FEZF1: variants seen among roughly 807,000 people sequenced by gnomAD.
FEZF1 encodes the protein FEZ family zinc finger 1, also known as fez family zinc finger protein 1.
A neutral mutation model predicts 32.4 loss-of-function variants in FEZF1; 8 were observed. The observed-to-expected ratio is 0.25, with a 90% CI of 0.15 to 0.45. The LOEUF (loss-of-function observed/expected upper bound fraction) is 0.45. FEZF1 is among the 20% of genes least tolerant of loss of function. The pLI, the probability that FEZF1 is intolerant of heterozygous loss-of-function variation, is 1.00. For missense variants in FEZF1, 546 were observed against 622.3 expected (o/e 0.88, Z 1.31); for synonymous variants, 259 against 265.2 (o/e 0.98, Z 0.23).
intron 1 of FEZF1, chr7:122,309,805 G>C (rs2031376010): frequency 6.6e-6 from 1 of 152,134 alleles, no homozygotes; most frequent in South Asian, 2.1e-4. Context: ...ATGCTCTATT[G>C]CTCTACACTG....
rs772221066 is a variant in FEZF1 at position 122,303,972 on chromosome 7, C to A, written c.466G>T (p.Ala156Ser). 2 of 1,589,954 alleles carry A rather than the reference C, an allele frequency of 1.3e-6. No individual in the cohort carries two copies. Among genetic ancestry groups the A allele is most frequent in the Admixed American group, 1.8e-5 (1 of 55,592 alleles). The change falls in exon 1 of 4, where the codon GCC (alanine) becomes TCC (serine). Residue 156 changes from alanine to serine, a missense_variant. Transcript: ENST00000442488. ...PRVVNHSSFHAMGALCYLNRG... is the reference protein window; with the variant it reads ...PRVVNHSSFHSMGALCYLNRG... ...TTCAGGTAGCACAAGGCGCCCATGG[C>A]GTGGAATGAAGAGTGGTTGACCACA...
upstream of FEZF1, among the ~76,000 whole-genome samples, chr7:122,309,328 G>A (rs1304743902): frequency 6.6e-6 from 1 of 152,234 alleles, no homozygotes; most frequent in African/African-American, 2.4e-5. Flanking sequence ...TTTGGGGGAA[G>A]AAGTGTGAGG....
chr7:122,302,888 C>T lies in FEZF1; in HGVS notation c.980G>A (p.Arg327Lys). ...KCNQCGKAFN[R>K]SSTLNTHTRI... is the part of the protein sequence containing the mutation. Reference sequence around the variant, plus strand: ...GGTATGAGTGTTTAAAGTGGAACTTCTATTAAATGCTTTGCCACACTGGTT... The same window carrying T: ...GGTATGAGTGTTTAAAGTGGAACTTTTATTAAATGCTTTGCCACACTGGTT... Residue 327 changes from arginine to lysine, a missense_variant, in exon 3 of 4, where the codon AGA becomes AAA. This residue lies in a region of FEZF1 where 118 missense variants were observed against 188.7 expected (regional missense o/e 0.63). Transcript: ENST00000442488. The surrounding 1 kb of genome is among the most constrained non-coding windows in gnomAD (Gnocchi z 4.4). The T allele has an allele frequency of 6.2e-7, 1 of 1,613,674 alleles. No individual in the cohort carries two copies. The highest frequency in any genetic ancestry group is 8.5e-7 in the Non-Finnish European group (1 of 1,179,794).
At position 122,302,076 on chromosome 7, in the gene FEZF1, G is replaced by A. The variant is rs766021955; in HGVS notation, c.1349C>T (p.Pro450Leu). Residue 450 changes from proline (P) to leucine (L), a missense_variant, in exon 4 of 4, where the codon CCG becomes CTG. Coordinates refer to ENST00000442488, the MANE Select transcript of FEZF1 (RefSeq NM_001024613.4). The surrounding 1 kb of genome is among the most constrained non-coding windows in gnomAD (Gnocchi z 4.4). ...EPPPPLPQQP[P>L]MTLPPLQPPL... ...CGGCTGCAGAGGAGGCAGCGTCATC[G>A]GCGGCTGCTGCGGTAGCGGGGGCGG... 41 of 1,607,882 alleles carry A rather than the reference G, an allele frequency of 2.5e-5. No individual in the cohort carries two copies. In the Admixed American group the frequency reaches 4.3e-4, roughly 17 times the overall value.
intron 1 of FEZF1, 65 bp downstream of exon 1, chr7:122,303,571 AG>A: frequency 1.2e-6 from 1 of 862,638 alleles, no homozygotes; most frequent in Non-Finnish European, 1.7e-6. Context: ...GGAGGGAGGG[AG>A]GGAGGGAAGG....
At chr7:122,310,291 GC>G (rs5887080) in exon 1 of FEZF1, 91,564 of 152,056 alleles carry the variant, frequency 0.6, 27,969 homozygotes, top group Non-Finnish European at 0.65. Flanking sequence ...GGCGCCCCCT[GC>G]CCCCGGCTGC....
chr7:122,306,570 G>T (rs895902042), upstream of FEZF1: 5 of 152,218 alleles, frequency 3.3e-5, no homozygotes, highest in African/African-American at 9.7e-5. Context: ...AATCAGTTCC[G>T]CCTCTGCCCC....
chr7:122,304,033 C>T lies in FEZF1; in HGVS notation c.405G>A (p.Ala135=), dbSNP rs778010186. The T allele has an allele frequency of 3.1e-5, 49 of 1,559,560 alleles. No individual in the cohort carries two copies. Among genetic ancestry groups the T allele is most frequent in the Non-Finnish European group, 4.2e-5 (48 of 1,154,100 alleles). Residue 135 remains alanine, a synonymous_variant, in exon 1 of 4, where the codon GCG becomes GCA. Coordinates refer to ENST00000442488, the MANE Select transcript of FEZF1 (RefSeq NM_001024613.4). Reference sequence around the variant, plus strand: ...CCAGCTTGTACTGCTGCAGCGGCAGCGCGTCGCGGGCCAGGTCGCCCTTGA... The same window carrying T: ...CCAGCTTGTACTGCTGCAGCGGCAGTGCGTCGCGGGCCAGGTCGCCCTTGA... ...LSLKGDLARD[A]LPLQQYKLVR...
In FEZF1 at chr7:122,304,461, G is replaced by C. The variant is rs2031205287; in HGVS notation, c.-24C>G. 6.5e-7 allele frequency: 1 copy of C among 1,536,948 alleles called. No homozygotes were observed. The highest frequency in any genetic ancestry group is 1.4e-5 in the African/African-American group (1 of 72,426). On this transcript the variant is annotated 5_prime_UTR_variant, in exon 1 of 4. Coordinates refer to ENST00000442488, the MANE Select transcript of FEZF1 (RefSeq NM_001024613.4). The stretch of plus-strand genomic sequence containing the variant: ...ATGTCTGAGTCGCCAGCGTCCGTCA[G>C]CCGGGGCTGGGTTGCGCCGTCCGTT...
rs2031174884 is a variant in FEZF1 at position 122,304,005 on chromosome 7, T to C, written c.433A>G (p.Arg145Gly). 1 of 1,570,342 alleles carries C rather than the reference T, an allele frequency of 6.4e-7. No individual in the cohort carries two copies. The highest frequency in any genetic ancestry group is 8.6e-7 in the Non-Finnish European group (1 of 1,158,302). Residue 145 changes from arginine to glycine, a missense_variant, in exon 1 of 4, where the codon AGG becomes GGG. This residue lies in a region of FEZF1 where 345 missense variants were observed against 360.6 expected (regional missense o/e 0.96). Transcript: ENST00000442488. ...GAAGAGTGGTTGACCACACGCGGCC[T>C]TACCAGCTTGTACTGCTGCAGCGGC... is the stretch of plus-strand genomic sequence containing the variant. ...ALPLQQYKLVRPRVVNHSSFH... is the reference protein window; with the variant it reads ...ALPLQQYKLVGPRVVNHSSFH...
chr7:122,306,305 G>A (rs1034404548), upstream of FEZF1: 1 of 152,616 alleles, frequency 6.6e-6, no homozygotes, highest in East Asian at 1.9e-4. Context: ...GGTGGCGGGT[G>A]TCAGGTATTG....
chr7:122,303,408 A>G, intron 1 of FEZF1, 97 bp from the exon 2 acceptor site: 6 of 1,445,290 alleles, frequency 4.2e-6, no homozygotes, highest in Non-Finnish European at 5.7e-6. Flanking sequence ...TCTTAACAAA[A>G]AGTGTATGCA....
rs373878310 is a variant in FEZF1, at chr7:122,303,712, C to T, written c.726G>A (p.Ala242=). Residue 242 remains alanine, a synonymous_variant, in exon 1 of 4, where the codon GCG becomes GCA. Coordinates refer to ENST00000442488, the MANE Select transcript of FEZF1 (RefSeq NM_001024613.4). ...ESAQLLSEKI[A]FKTSDFSRGS... Reference sequence around the variant, plus strand: ...CTCGGCTGAAATCCGAGGTTTTGAACGCGATTTTTTCCGACAGAAGCTGGG... The same window carrying T: ...CTCGGCTGAAATCCGAGGTTTTGAATGCGATTTTTTCCGACAGAAGCTGGG... 1 of 1,614,198 alleles carries T rather than the reference C, an allele frequency of 6.2e-7. No individual in the cohort carries two copies. The highest frequency in any genetic ancestry group is 1.7e-5 in the Admixed American group (1 of 60,034).
upstream of FEZF1, among the ~76,000 whole-genome samples, chr7:122,308,052 A>G (rs2031333633): frequency 6.6e-6 from 1 of 152,254 alleles, no homozygotes. Context: ...TTTCAATGCA[A>G]GTATTTTTTA....
chr7:122,304,372 C>G lies in FEZF1; in HGVS notation c.66G>C (p.Met22Ile). ...AAGCCAAGGGTTTGGACGTGCTCAT[C>G]ATGTTGCCCCGAGCTGGAGCAGTCG... is the stretch of plus-strand genomic sequence containing the variant. ...MLATAPARGN[M>I]MSTSKPLAFS... Residue 22 changes from methionine (M) to isoleucine (I), a missense_variant, in exon 1 of 4, where the codon ATG (methionine) becomes ATC (isoleucine). By Grantham distance (10) the Met-to-Ile change is conservative. This residue lies in a region of FEZF1 where 345 missense variants were observed against 360.6 expected (regional missense o/e 0.96). Transcript: ENST00000442488. 1 of 1,601,156 alleles carries G rather than the reference C, an allele frequency of 6.2e-7. No homozygotes were observed. The highest frequency in any genetic ancestry group is 8.5e-7 in the Non-Finnish European group (1 of 1,171,240).
Position 122,303,657 on chromosome 7 carries a change from T to C in FEZF1, c.781A>G (p.Thr261Ala). Residue 261 changes from threonine (T) to alanine (A), a missense_variant, in exon 1 of 4, where the codon ACT becomes GCT. Around this residue, in one of 3 missense-constraint regions of FEZF1, gnomAD observed 345 missense variants for 360.6 expected, o/e 0.96. Transcript: ENST00000442488. Reference sequence around the variant, plus strand: ...CTTGCCTTTCCACACACTTCGCAAGTGAAAACTTTGGGCTTGGCATTAGGA... The same window carrying C: ...CTTGCCTTTCCACACACTTCGCAAGCGAAAACTTTGGGCTTGGCATTAGGA... Reference protein sequence around the residue: ...GSPNAKPKVFTCEVCGKVFNA... With the variant: ...GSPNAKPKVFACEVCGKVFNA... 1 of 1,613,850 alleles carries C rather than the reference T, an allele frequency of 6.2e-7. No homozygotes were observed. Among genetic ancestry groups the C allele is most frequent in the African/African-American group, 1.3e-5 (1 of 74,940 alleles).
chr7:122,305,567 C>T (rs111307142), upstream of FEZF1: 9,703 of 152,374 alleles, frequency 0.064, 509 homozygotes, highest in Non-Finnish European at 0.086. Context: ...CCAGGATACA[C>T]ACAGACGCGC....
chr7:122,308,474 A>G (rs541927039), upstream of FEZF1: 2 of 152,328 alleles, frequency 1.3e-5, no homozygotes, highest in African/African-American at 2.4e-5. Flanking sequence ...AAAAATATTC[A>G]TGATTTCCAC....
In FEZF1 at chr7:122,302,812, C is replaced by T; in HGVS notation, c.1056G>A (p.Gly352=). The part of the protein sequence containing the change: ...KPFVCEFCGK[G]FHQKGNYKNH... ...TGGTTTGCATACCTTTTTGATGAAACCCTTTGCCACAGAATTCACACACAA... is the reference window on the plus strand; with the variant it reads ...TGGTTTGCATACCTTTTTGATGAAATCCTTTGCCACAGAATTCACACACAA... Residue 352 remains glycine (G), a synonymous_variant, in exon 3 of 4, where the codon GGG becomes GGA. Transcript: ENST00000442488. The surrounding 1 kb of genome is among the most constrained non-coding windows in gnomAD (Gnocchi z 4.4). 3.7e-6 allele frequency: 6 copies of T among 1,613,812 alleles called. No individual in the cohort carries two copies. The highest frequency in any genetic ancestry group is 5.1e-6 in the Non-Finnish European group (6 of 1,179,920).
Sources: allele counts gnomAD v4.1 joint callset (sites outside exome capture counted in the v4.1 genomes callset), GRCh38; gene constraint gnomAD v4.1.1; regional missense constraint gnomAD v4.1.1; non-coding constraint Gnocchi (gnomAD v3.1); transcripts MANE v1.5; gene names NCBI Gene and HGNC (gene_info 2026-07-23, HGNC 2026-07-21).